Variants in PLB1 observed in about 807,000 individuals in gnomAD.
The protein encoded by PLB1 is phospholipase B1, membrane-associated.
Under a neutral mutation model 227.4 loss-of-function variants are expected in PLB1, and 242 were observed. That is an observed-to-expected ratio of 1.06 (90% CI 0.96 to 1.18). The LOEUF is 1.18. Ranked by LOEUF, PLB1 falls within the 50% of genes most tolerant of loss-of-function variation. The pLI, the probability that PLB1 is intolerant of heterozygous loss-of-function variation, is 0.00. For missense variants in PLB1, 1,858 were observed against 1,816.3 expected, an observed-to-expected ratio of 1.02 and a Z score of -0.42; for synonymous variants, 757 against 682.2, an observed-to-expected ratio of 1.11 and a Z score of -1.71.
chr2:28,630,503 C>G, intron 53 of PLB1, 83 bp from the exon 54 acceptor site: 1 of 1,251,092 alleles, frequency 8.0e-7, no homozygotes, highest in Non-Finnish European at 1.1e-6. Context: ...TAGTGGCCTG[C>G]TCTGTGTGTC....
chr2:28,627,772 T>A (rs1171751595), intron 51 of PLB1, among the ~76,000 whole-genome samples: 2 of 152,106 alleles, frequency 1.3e-5, no homozygotes, highest in African/African-American at 4.8e-5. Flanking sequence ...CTGCCTGAGC[T>A]CTCCCCTCCT....
At chr2:28,501,849 T>C (rs1376307939) in intron 1 of PLB1, among the ~76,000 whole-genome samples, 2 of 152,202 alleles carry the variant, frequency 1.3e-5, no homozygotes, top group African/African-American at 4.8e-5. Flanking sequence ...GTACCATATA[T>C]ACCACCAGCC....
chr2:28,591,013 G>C, intron 29 of PLB1, 120 bp from the exon 30 acceptor site: 1 of 1,269,688 alleles, frequency 7.9e-7, no homozygotes, highest in South Asian at 1.2e-5. Flanking sequence ...TAGAGGCTGG[G>C]CTTGGGACAC....
In PLB1 at chr2:28,588,063, C is replaced by T. The variant is rs531415907; in HGVS notation, c.1816-1387C>T. On this transcript the variant is annotated intron_variant, in intron 26 of 57. Coordinates refer to ENST00000327757, the MANE Select transcript of PLB1 (RefSeq NM_153021.5). ...CGTGTGTGGCCATCATGCCCTGTCTCAGAATCATCTCACGCCCTACTTCCC... is the reference window on the plus strand; with the variant it reads ...CGTGTGTGGCCATCATGCCCTGTCTTAGAATCATCTCACGCCCTACTTCCC... 1.4e-4 allele frequency among the ~76,000 whole-genome samples: 21 copies of T among 152,018 alleles called. 1 individual carries two copies. The East Asian group carries it at 2.7e-3, about 20-fold the overall frequency.
chr2:28,582,923 C>T (rs78005013), intron 25 of PLB1, among the ~76,000 whole-genome samples: 1,872 of 152,270 alleles, frequency 0.012, 13 homozygotes, highest in Middle Eastern at 0.031. Context: ...AGGGGTGCCT[C>T]TGGTTGGTAT....
intron 16 of PLB1, 83 bp downstream of exon 16, chr2:28,550,167 G>C: frequency 9.3e-7 from 1 of 1,077,472 alleles, no homozygotes; most frequent in South Asian, 1.5e-5. Context: ...AACCTTCCAC[G>C]TGGTTTTTTT....
chr2:28,618,478 T>A, intron 46 of PLB1, 79 bp downstream of exon 46: 1 of 1,434,726 alleles, frequency 7.0e-7, no homozygotes. Flanking sequence ...TTCCCCAGCA[T>A]TGGCTCCGCT....
At chr2:28,604,860 A>G in intron 41 of PLB1, 101 bp downstream of exon 41, 2 of 1,074,018 alleles carry the variant, frequency 1.9e-6, no homozygotes, top group Non-Finnish European at 2.7e-6. Context: ...TGGGAAAGAC[A>G]CAGCTCTCCA....
chr2:28,632,177 G>A, intron 55 of PLB1, 37 bp downstream of exon 55: 2 of 1,527,240 alleles, frequency 1.3e-6, no homozygotes, highest in South Asian at 2.2e-5. Context: ...TCACGTATGG[G>A]GGCCTTATCA....
intron 1 of PLB1, among the ~76,000 whole-genome samples, chr2:28,506,635 C>T (rs890070888): frequency 6.6e-6 from 1 of 152,106 alleles, no homozygotes; most frequent in South Asian, 2.1e-4. Flanking sequence ...ATGCAGCAAG[C>T]GTGGAATTTT....
chr2:28,628,934 CAAG>C (rs1220994523), intron 52 of PLB1, among the ~76,000 whole-genome samples, 157 bp from the exon 53 acceptor site: 1 of 152,170 alleles, frequency 6.6e-6, no homozygotes, highest in Non-Finnish European at 1.5e-5. Flanking sequence ...CGGGGCCACT[CAAG>C]AAGATTCAGT....
At chr2:28,613,970 CCTT>C (rs1685833199) in intron 43 of PLB1, 58 bp from the exon 44 acceptor site, 1 of 1,377,850 alleles carries the variant, frequency 7.3e-7, no homozygotes, top group African/African-American at 1.4e-5. Flanking sequence ...TAGTTTTTCT[CCTT>C]CTCAAGCAAA....
In PLB1 at chr2:28,617,749, G is replaced by A; in HGVS notation, c.3218G>A (p.Cys1073Tyr). The A allele has an allele frequency of 6.2e-7, 1 of 1,614,142 alleles. No homozygotes were observed. The highest frequency in any genetic ancestry group is 2.2e-5 in the East Asian group (1 of 44,876). Residue 1073 changes from cysteine to tyrosine, a missense_variant, in exon 45 of 58, where the codon TGT (cysteine) becomes TAT (tyrosine). Coordinates refer to ENST00000327757, the MANE Select transcript of PLB1 (RefSeq NM_153021.5). ...AIENWGSDFL[C>Y]TEWKASNSVP... is the part of the protein sequence containing the mutation. Reference sequence around the variant, plus strand: ...TAGAACTGGGGCAGTGACTTCCTGTGTACAGAGTGGAAGGCTTCCAATAGT... The same window carrying A: ...TAGAACTGGGGCAGTGACTTCCTGTATACAGAGTGGAAGGCTTCCAATAGT...
chr2:28,632,486 G>T (rs1165264738), intron 55 of PLB1, among the ~76,000 whole-genome samples: 1 of 152,160 alleles, frequency 6.6e-6, no homozygotes, highest in Admixed American at 6.5e-5. Flanking sequence ...TCCAATTCTT[G>T]TCTGTTTAAA....
Position 28,626,410 on chromosome 2 carries a change from G to C in PLB1, c.3580-18G>C. ...GCCTCCCACCAAGGCCTAAACTCAG[G>C]ATCTTCTGTCCCCTCAGGACATCAA... is the stretch of plus-strand genomic sequence containing the variant. On this transcript the variant is annotated intron_variant, in intron 50 of 57. Coordinates refer to ENST00000327757, the MANE Select transcript of PLB1 (RefSeq NM_153021.5). 1 of 1,611,592 alleles carries C rather than the reference G, an allele frequency of 6.2e-7. No homozygotes were observed. Among genetic ancestry groups the C allele is most frequent in the South Asian group, 1.1e-5 (1 of 91,018 alleles).
At position 28,592,660 on chromosome 2, in the gene PLB1, G is replaced by A. The variant is rs769959679; in HGVS notation, c.2189-1G>A. The A allele has an allele frequency of 1.2e-6, 2 of 1,614,130 alleles. No individual in the cohort carries two copies. The highest frequency in any genetic ancestry group is 1.7e-6 in the Non-Finnish European group (2 of 1,179,998). On this transcript the variant is annotated splice_acceptor_variant, in intron 31 of 57. Coordinates refer to ENST00000327757, the MANE Select transcript of PLB1 (RefSeq NM_153021.5). LOFTEE classifies it high-confidence loss of function. ...CTAAGTGTGTCCACTTGTCTTTCCA[G>A]TGCATGCCCTGAGACCTGCAGACAT...
At chr2:28,532,033 C>G (rs957567883) in intron 8 of PLB1, 75 bp from the exon 9 acceptor site, 3 of 1,156,346 alleles carry the variant, frequency 2.6e-6, no homozygotes, top group Non-Finnish European at 1.3e-6. Context: ...AATGGAAAGA[C>G]ATGAAAACAA....
rs72860579 is a variant in PLB1 at position 28,529,663 on chromosome 2, A to G, written c.417-65A>G. 5.3e-3 allele frequency: 8,023 copies of G among 1,513,738 alleles called. 363 individuals carry two copies. In the African/African-American group the frequency reaches 0.096, roughly 18 times the overall value. 93.8% of individuals were successfully genotyped at this position (1,513,738 alleles called of 1,614,324 possible). On this transcript the variant is annotated intron_variant, in intron 7 of 57. Transcript: ENST00000327757. ...TGACACCTGAGCTATGGCAAGGGGC[A>G]AGCTTCCAGCCCTTAACAAAATAAT...
intron 1 of PLB1, among the ~76,000 whole-genome samples, chr2:28,499,838 T>C (rs934485304): frequency 6.6e-6 from 1 of 152,080 alleles, no homozygotes; most frequent in African/African-American, 2.4e-5. Flanking sequence ...TAAGCCGAGA[T>C]TGCACCACCG....
Sources: gnomAD v4.1 joint callset for allele counts (sites outside exome capture counted in the v4.1 genomes callset) on GRCh38, gnomAD v4.1.1 for gene constraint, MANE v1.5 for transcripts, NCBI Gene and HGNC (gene_info 2026-07-23, HGNC 2026-07-21) for gene names.